Variants in TMTC1 observed in about 807,000 individuals in gnomAD.
The protein encoded by TMTC1 is transmembrane O-mannosyltransferase targeting cadherins 1.
Under a neutral mutation model 104.8 loss-of-function variants are expected in TMTC1, and 73 were observed. That is an observed-to-expected ratio of 0.70 (90% CI 0.58 to 0.85). The LOEUF (loss-of-function observed/expected upper bound fraction) is 0.85, where lower values mean the gene tolerates loss of function less well. TMTC1 is among the 40% of genes least tolerant of loss of function. The probability of loss-of-function intolerance (pLI) is 0.00; values close to 1 mark genes in which losing one functional copy is unlikely to be tolerated. For synonymous variants in TMTC1, 434 were observed against 428.7 expected (o/e 1.01, Z -0.15); for missense variants, 1,035 against 1,096.1 (o/e 0.94, Z 0.79).
chr12:29,761,558 T>C (rs1197134237), intron 2 of TMTC1, among the ~76,000 whole-genome samples: 1 of 146,574 alleles, frequency 6.8e-6, no homozygotes, highest in Non-Finnish European at 1.5e-5. Context: ...TCACACTATT[T>C]TGCTACATAT....
chr12:29,783,592 C>G lies in TMTC1; in HGVS notation c.160G>C (p.Val54Leu), dbSNP rs1167230385. 2.7e-6 allele frequency: 4 copies of G among 1,479,880 alleles called. No individual in the cohort carries two copies. Among genetic ancestry groups the G allele is most frequent in the Non-Finnish European group, 3.6e-6 (4 of 1,119,214 alleles). The allele number at this position is 1,479,880 out of a possible 1,614,324, so 91.7% of individuals were successfully genotyped here. ...TCGGGGTTGTTCACGATCGCCCACA[C>G]GTCGTCGTGCACGAACTCGCCCTGC... is the stretch of plus-strand genomic sequence containing the variant. ...SLQGEFVHDD[V>L]WAIVNNPDVR... is the part of the protein sequence containing the mutation. Residue 54 changes from valine to leucine, a missense_variant, in exon 1 of 18, where the codon GTG (valine) becomes CTG (leucine). By Grantham distance (32) the Val-to-Leu change is conservative (BLOSUM62 1). Coordinates refer to ENST00000539277, the MANE Select transcript of TMTC1 (RefSeq NM_001193451.2). This position sits in a 1 kb window ranked among gnomAD's most constrained non-coding sequence, Gnocchi z 4.7.
intron 9 of TMTC1, among the ~76,000 whole-genome samples, chr12:29,569,527 G>C (rs1031322061): frequency 6.6e-6 from 1 of 152,204 alleles, no homozygotes; most frequent in Non-Finnish European, 1.5e-5. Flanking sequence ...AGCTGGGAGG[G>C]AGAGGAATCC....
At chr12:29,512,327 C>T (rs1276765335) in intron 16 of TMTC1, among the ~76,000 whole-genome samples, 1 of 152,172 alleles carries the variant, frequency 6.6e-6, no homozygotes, top group Non-Finnish European at 1.5e-5. Flanking sequence ...AATTTCCCTG[C>T]AGAGCTGACC....
chr12:29,660,837 T>C, intron 5 of TMTC1: 1 of 1,496,894 alleles, frequency 6.7e-7, no homozygotes. Context: ...TTTTTAAAAA[T>C]GGTCTCATGG....
chr12:29,714,408 C>T (rs80236522), intron 5 of TMTC1, among the ~76,000 whole-genome samples: 1 of 152,110 alleles, frequency 6.6e-6, no homozygotes, highest in African/African-American at 2.4e-5. Context: ...ATTTTTTTTA[C>T]TGCTTCATTG....
At chr12:29,666,414 T>C (rs932384202) in intron 5 of TMTC1, 1 of 336,478 alleles carries the variant, frequency 3.0e-6, no homozygotes, top group Non-Finnish European at 5.7e-6. Flanking sequence ...GTTGTATTTT[T>C]AGTAGAGACG....
At chr12:29,643,603 A>AT (rs536307656) in intron 5 of TMTC1, among the ~76,000 whole-genome samples, 1 of 37,576 alleles carries the variant, frequency 2.7e-5, no homozygotes, top group Non-Finnish European at 4.2e-5. Context: ...TATATTATAT[A>AT]TTATATATAA....
In TMTC1 at chr12:29,537,870, C is replaced by G. The variant is rs558199303; in HGVS notation, c.1677-1553G>C. 6.6e-5 allele frequency among the ~76,000 whole-genome samples: 10 copies of G among 152,302 alleles called. 1 individual carries two copies. In the South Asian group the frequency reaches 2.1e-3, roughly 32 times the overall value. On this transcript the variant is annotated intron_variant, in intron 10 of 17. Transcript: ENST00000539277. ...GTTAGAAGCAGCTTGTTACATAAGGCAATTTCAACTATCATAGACCTTGGG... is the reference window on the plus strand; with the variant it reads ...GTTAGAAGCAGCTTGTTACATAAGGGAATTTCAACTATCATAGACCTTGGG...
intron 7 of TMTC1, among the ~76,000 whole-genome samples, chr12:29,584,190 G>A (rs929799640): frequency 2.6e-4 from 39 of 152,136 alleles, no homozygotes; most frequent in African/African-American, 8.0e-4. Context: ...TAGCTGTACC[G>A]GTAGGTGCAG....
chr12:29,629,812 T>C (rs1938203308), intron 6 of TMTC1, among the ~76,000 whole-genome samples: 1 of 152,244 alleles, frequency 6.6e-6, no homozygotes, highest in South Asian at 2.1e-4. Flanking sequence ...AAATAGTTAA[T>C]TGTATGTTAT....
At chr12:29,745,651 AAGAAGGG>A (rs1942937235) in intron 5 of TMTC1, among the ~76,000 whole-genome samples, 1 of 150,810 alleles carries the variant, frequency 6.6e-6, no homozygotes, top group African/African-American at 2.4e-5. Context: ...AAAGAAGCTG[AAGAAGGG>A]AAAAAGCTCA....
intron 5 of TMTC1, among the ~76,000 whole-genome samples, chr12:29,714,485 C>G (rs1224047919): frequency 2.0e-5 from 3 of 152,120 alleles, no homozygotes; most frequent in Non-Finnish European, 2.9e-5. Flanking sequence ...TACAATGACC[C>G]CTGGTCATTT....
intron 2 of TMTC1, among the ~76,000 whole-genome samples, chr12:29,761,938 C>A (rs1943360274): frequency 6.6e-6 from 1 of 152,120 alleles, no homozygotes; most frequent in Non-Finnish European, 1.5e-5. Flanking sequence ...GTCATCCCAG[C>A]ACTTTGGGAG....
At chr12:29,630,051 T>C (rs1938216719) in intron 6 of TMTC1, among the ~76,000 whole-genome samples, 1 of 152,146 alleles carries the variant, frequency 6.6e-6, no homozygotes. Context: ...ACTACCACAA[T>C]CATATTTTAA....
chr12:29,633,305 T>A lies in TMTC1; in HGVS notation c.970A>T (p.Asn324Tyr), dbSNP rs1231396628. The A allele has an allele frequency of 2.5e-6, 4 of 1,613,296 alleles. No individual in the cohort carries two copies. The highest frequency in any genetic ancestry group is 3.4e-6 in the Non-Finnish European group (4 of 1,179,582). The change falls in exon 6 of 18, where the codon AAT (asparagine) becomes TAT (tyrosine). Residue 324 changes from asparagine (N) to tyrosine (Y), a missense_variant. Physicochemically the swap from Asn to Tyr is moderately radical, Grantham distance 143 (BLOSUM62 -2). Transcript: ENST00000539277. ...FLTYSYLLAF[N>Y]VWLLLAPVTL... ...ACGGGTGCAAGCAGAAGCCACACAT[T>A]GAAGGCCAAGAGGTAGGAATAGGTG...
chr12:29,564,046 A>C (rs1430799721), intron 9 of TMTC1, among the ~76,000 whole-genome samples: 8 of 152,186 alleles, frequency 5.3e-5, no homozygotes, highest in Non-Finnish European at 1.2e-4. Context: ...GGGTAAGAGC[A>C]GGAAGATGAA....
Position 29,751,863 on chromosome 12 carries a change from C to T in TMTC1, c.741G>A (p.Gly247=). 6.4e-7 allele frequency: 1 copy of T among 1,568,460 alleles called. No individual in the cohort carries two copies. Among genetic ancestry groups the T allele is most frequent in the East Asian group, 2.4e-5 (1 of 42,538 alleles). Residue 247 remains glycine (G), a synonymous_variant, in exon 5 of 18, where the codon GGG becomes GGA. Coordinates refer to ENST00000539277, the MANE Select transcript of TMTC1 (RefSeq NM_001193451.2). ...GCTGTGGGCTGCGTGGACAGAGGGC[C>T]CCATTGCTCCTGTTGTGCATGGAAT... ...LSNKQDKSSN[G]ALCPRSPQQP... is the part of the protein sequence containing the mutation.
intron 5 of TMTC1, among the ~76,000 whole-genome samples, chr12:29,639,425 G>C (rs899252498): frequency 1.3e-5 from 2 of 152,096 alleles, no homozygotes; most frequent in Non-Finnish European, 2.9e-5. Context: ...TACAGGATTA[G>C]ACATGTATAA....
At chr12:29,743,016 G>A (rs1056321303) in intron 5 of TMTC1, among the ~76,000 whole-genome samples, 1 of 152,204 alleles carries the variant, frequency 6.6e-6, no homozygotes, top group Non-Finnish European at 1.5e-5. Context: ...ATAAACATGG[G>A]AGAGGGGAGT....
Sources: gnomAD v4.1 joint callset for allele counts (sites outside exome capture counted in the v4.1 genomes callset) on GRCh38, gnomAD v4.1.1 for gene constraint, Gnocchi (gnomAD v3.1) non-coding constraint, MANE v1.5 for transcripts, NCBI Gene and HGNC (gene_info 2026-07-23, HGNC 2026-07-21) for gene names.